CSMD3: variants seen among roughly 807,000 people sequenced by gnomAD.
CSMD3 encodes the protein CUB and Sushi multiple domains 3, also known as CUB and sushi domain-containing protein 3.
A neutral mutation model predicts 435.2 loss-of-function variants in CSMD3; 177 were observed. That is an observed-to-expected ratio of 0.41 (90% confidence interval 0.36 to 0.46). The LOEUF (loss-of-function observed/expected upper bound fraction) is 0.46, where lower values mean the gene tolerates loss of function less well. CSMD3 is among the 20% of genes least tolerant of loss of function. CSMD3 has a pLI of 0.34. For synonymous variants in CSMD3, 1,656 were observed against 1,520.5 expected, an observed-to-expected ratio of 1.09 and a Z score of -2.07; for missense variants, 4,265 against 4,504.6, an observed-to-expected ratio of 0.95 and a Z score of 1.52.
At chr8:112,787,593 G>A (rs1016022493) in intron 13 of CSMD3, among the ~76,000 whole-genome samples, 2 of 152,140 alleles carry the variant, frequency 1.3e-5, no homozygotes, top group African/African-American at 4.8e-5. Flanking sequence ...ACACAATGGA[G>A]TATTATTCAG....
intron 45 of CSMD3, among the ~76,000 whole-genome samples, chr8:112,326,394 C>T (rs965358875): frequency 1.3e-5 from 2 of 152,190 alleles, no homozygotes; most frequent in African/African-American, 2.4e-5. Context: ...GTTCAAATCT[C>T]GGTCTGCTGT....
rs1257984990 is a variant in CSMD3 at position 113,060,082 on chromosome 8, C to T, written c.917+38674G>A. ...TATGTATACATGTGCCATGCTGGTG[C>T]GCTGCACCCACTAATGTGTCATCTA... On this transcript the variant is annotated intron_variant, in intron 5 of 70. Coordinates refer to ENST00000297405, the MANE Select transcript of CSMD3 (RefSeq NM_198123.2). Among the ~76,000 whole-genome samples the T allele has an allele frequency of 1.1e-4, 16 of 140,864 alleles. No individual in the cohort carries two copies. The East Asian group carries it at 2.3e-3, about 20-fold the overall frequency. 92.4% of individuals were successfully genotyped at this position (140,864 alleles called of 152,430 possible).
chr8:112,878,167 A>G (rs1346775075), intron 10 of CSMD3, among the ~76,000 whole-genome samples: 2 of 152,204 alleles, frequency 1.3e-5, no homozygotes, highest in African/African-American at 4.8e-5. Context: ...CAATGTATCC[A>G]TCTGACAAAG....
chr8:112,547,322 G>A (rs773723266), intron 27 of CSMD3, among the ~76,000 whole-genome samples: 5 of 151,826 alleles, frequency 3.3e-5, no homozygotes, highest in South Asian at 4.2e-4. Context: ...ATTTGGGGGC[G>A]CAAAGGCACC....
intron 1 of CSMD3, among the ~76,000 whole-genome samples, chr8:113,317,592 A>G (rs1377275348): frequency 6.6e-6 from 1 of 152,206 alleles, no homozygotes; most frequent in Non-Finnish European, 1.5e-5. Context: ...TACATTAAAC[A>G]TAGCATTATT....
At chr8:112,677,222 G>C (rs370336175) in intron 16 of CSMD3, among the ~76,000 whole-genome samples, 26 of 151,944 alleles carry the variant, frequency 1.7e-4, no homozygotes, top group African/African-American at 6.3e-4. Flanking sequence ...GAAAGGGAGA[G>C]AAGAAGAGCT....
chr8:112,961,445 A>G (rs1011858915), intron 7 of CSMD3, among the ~76,000 whole-genome samples: 2 of 151,914 alleles, frequency 1.3e-5, no homozygotes, highest in Non-Finnish European at 2.9e-5. Flanking sequence ...AAGATTCTCC[A>G]CTAACAAGAC....
intron 7 of CSMD3, among the ~76,000 whole-genome samples, chr8:112,974,525 T>C (rs1338019225): frequency 6.6e-6 from 1 of 151,810 alleles, no homozygotes; most frequent in Non-Finnish European, 1.5e-5. Flanking sequence ...TTTCTGGTAA[T>C]AAGACAAAAA....
chr8:112,870,256 G>A (rs1021341866), intron 10 of CSMD3, among the ~76,000 whole-genome samples: 3 of 150,024 alleles, frequency 2.0e-5, no homozygotes, highest in Non-Finnish European at 4.4e-5. Flanking sequence ...ACCATCTCAC[G>A]TCAGTCAGAA....
At chr8:112,562,500 TA>T in intron 24 of CSMD3, among the ~76,000 whole-genome samples, 1 of 151,022 alleles carries the variant, frequency 6.6e-6, no homozygotes, top group East Asian at 2.0e-4. Flanking sequence ...GATTGCTAAA[TA>T]AAAAAAGAAA....
intron 24 of CSMD3, among the ~76,000 whole-genome samples, chr8:112,566,930 T>G (rs892234622): frequency 9.2e-5 from 14 of 152,142 alleles, no homozygotes; most frequent in African/African-American, 3.4e-4. Context: ...TCTGGTGTAC[T>G]CTGCTATGGG....
At chr8:112,322,087 G>C (rs1463621040) in intron 45 of CSMD3, among the ~76,000 whole-genome samples, 2 of 152,098 alleles carry the variant, frequency 1.3e-5, no homozygotes, top group East Asian at 1.9e-4. Context: ...CCAGAGAATA[G>C]AGATCAACTC....
intron 32 of CSMD3, among the ~76,000 whole-genome samples, chr8:112,418,521 C>A (rs1015775987): frequency 6.6e-6 from 1 of 151,942 alleles, no homozygotes; most frequent in African/African-American, 2.4e-5. Context: ...ATCATTATAC[C>A]ACTTGTATAT....
intron 19 of CSMD3, among the ~76,000 whole-genome samples, chr8:112,646,812 GT>G (rs2074992582): frequency 6.6e-6 from 1 of 152,114 alleles, no homozygotes; most frequent in Admixed American, 6.5e-5. Flanking sequence ...ATAGTAAATA[GT>G]GAAGAAAGAA....
intron 11 of CSMD3, among the ~76,000 whole-genome samples, chr8:112,857,176 A>G (rs2080685246): frequency 6.6e-6 from 1 of 151,676 alleles, no homozygotes; most frequent in African/African-American, 2.4e-5. Flanking sequence ...AATTCTTGTA[A>G]ACAAATTTCT....
intron 1 of CSMD3, among the ~76,000 whole-genome samples, chr8:113,349,023 G>A (rs1714373686): frequency 1.3e-5 from 2 of 151,814 alleles, no homozygotes; most frequent in Non-Finnish European, 2.9e-5. Flanking sequence ...GTTTTATAAT[G>A]TTGATTAGTG....
intron 1 of CSMD3, among the ~76,000 whole-genome samples, chr8:113,392,757 A>C (rs1431516463): frequency 6.6e-6 from 1 of 152,084 alleles, no homozygotes; most frequent in Non-Finnish European, 1.5e-5. Context: ...GATGAATCTA[A>C]TATTTTATGT....
intron 6 of CSMD3, among the ~76,000 whole-genome samples, chr8:113,018,078 A>G (rs2086537777): frequency 6.6e-6 from 1 of 152,082 alleles, no homozygotes; most frequent in Non-Finnish European, 1.5e-5. Flanking sequence ...ATTTTAAGTT[A>G]CTTTCCTAAG....
chr8:112,794,964 TGAAGA>T (rs1382882053), intron 13 of CSMD3, among the ~76,000 whole-genome samples: 1 of 152,116 alleles, frequency 6.6e-6, no homozygotes, highest in Non-Finnish European at 1.5e-5. Flanking sequence ...AGAAGAGATC[TGAAGA>T]GATTTATAGT....
Sources: gnomAD v4.1 joint callset for allele counts (sites outside exome capture counted in the v4.1 genomes callset) on GRCh38, gnomAD v4.1.1 for gene constraint, MANE v1.5 for transcripts, NCBI Gene and HGNC (gene_info 2026-07-23, HGNC 2026-07-21) for gene names.